The following GART variants were observed in gnomAD, a reference collection of about 807,000 sequenced individuals.
GART encodes the protein phosphoribosylglycinamide formyltransferase, phosphoribosylglycinamide synthetase, phosphoribosylaminoimidazole synthetase, also known as trifunctional purine biosynthetic protein adenosine-3.
GART carries 43 observed loss-of-function variants against 107.2 expected under a neutral mutation model. The observed-to-expected ratio is 0.40, with a 90% CI of 0.31 to 0.52. The LOEUF is 0.52. Among genes scored for constraint, GART ranks in the 20% least tolerant of loss-of-function variants. The probability of loss-of-function intolerance (pLI) is 0.52; values close to 1 mark genes in which losing one functional copy is unlikely to be tolerated. For synonymous variants in GART, 434 were observed against 427.0 expected, an observed-to-expected ratio of 1.02 and a Z score of -0.20; for missense variants, 1,107 against 1,206.5, an observed-to-expected ratio of 0.92 and a Z score of 1.22.
chr21:33,510,626 G>A (rs1051371607), intron 17 of GART, among the ~76,000 whole-genome samples: 4 of 152,116 alleles, frequency 2.6e-5, no homozygotes, highest in Non-Finnish European at 5.9e-5. Context: ...CACCACGCCC[G>A]GCTGGGTCTC....
chr21:33,506,036 TAAC>T lies in GART; in HGVS notation c.2518_2520del (p.Val840del). On this transcript the variant is annotated inframe_deletion, in exon 19 of 22. Coordinates refer to ENST00000381815, the MANE Select transcript of GART (RefSeq NM_000819.5). ...CCAGCTACTGCGGCTTTGTTGGAGA[TAAC>T]AATATCAATTTGTGCAGAGCTATTT... 6.2e-7 allele frequency: 1 copy of T among 1,614,186 alleles called. No homozygotes were observed. The highest frequency in any genetic ancestry group is 8.5e-7 in the Non-Finnish European group (1 of 1,180,024).
chr21:33,520,826 C>A, intron 13 of GART, 80 bp downstream of exon 13: 1 of 1,099,250 alleles, frequency 9.1e-7, no homozygotes, highest in Non-Finnish European at 1.3e-6. Flanking sequence ...TCATATATGT[C>A]AAGAGAAGAA....
At chr21:33,511,117 AC>A in intron 17 of GART, 134 bp downstream of exon 17, 2 of 846,712 alleles carry the variant, frequency 2.4e-6, no homozygotes, top group Non-Finnish European at 3.9e-6. Context: ...CTGTCATGTT[AC>A]ATCTGTGTAA....
intron 16 of GART, among the ~76,000 whole-genome samples, chr21:33,513,266 G>A (rs62226459): frequency 0.022 from 3,343 of 152,078 alleles, 57 homozygotes; most frequent in Non-Finnish European, 0.033. Context: ...TGCCCAGCCT[G>A]AAGTTGATAC....
At chr21:33,527,442 CAGG>C (rs2085094622) in intron 10 of GART, among the ~76,000 whole-genome samples, 1 of 151,928 alleles carries the variant, frequency 6.6e-6, no homozygotes, top group Non-Finnish European at 1.5e-5. Context: ...CGCTTGAACC[CAGG>C]AGGAGGTTAC....
In GART at chr21:33,529,313, T is replaced by C. The variant is rs7275193; in HGVS notation, c.724-376A>G. 3.6e-3 allele frequency among the ~76,000 whole-genome samples: 548 copies of C among 152,346 alleles called. 3 individuals carry two copies. Among genetic ancestry groups the C allele is most frequent in the African/African-American group, 0.013 (520 of 41,586 alleles). On this transcript the variant is annotated intron_variant, in intron 7 of 21. Coordinates refer to ENST00000381815, the MANE Select transcript of GART (RefSeq NM_000819.5). Reference sequence around the variant, plus strand: ...GGTTTATGAATTTAATTGTAAAAATTAGACCCAGATATAGTTCTTAGAATA... The same window carrying C: ...GGTTTATGAATTTAATTGTAAAAATCAGACCCAGATATAGTTCTTAGAATA...
chr21:33,516,857 C>A, intron 16 of GART, 132 bp downstream of exon 16: 1 of 742,632 alleles, frequency 1.3e-6, no homozygotes, highest in East Asian at 2.7e-5. Context: ...GAGTTTTTCC[C>A]TCCCAAAACC....
At position 33,528,477 on chromosome 21, in the gene GART, C is replaced by G. The variant is rs774750287; in HGVS notation, c.897+42G>C. On this transcript the variant is annotated intron_variant, in intron 9 of 21. Coordinates refer to ENST00000381815, the MANE Select transcript of GART (RefSeq NM_000819.5). ...CTGATAAATTCCAAGATTAAAATACCACATATCTTCTACCAAGTAATACTT... is the reference window on the plus strand; with the variant it reads ...CTGATAAATTCCAAGATTAAAATACGACATATCTTCTACCAAGTAATACTT... The G allele has an allele frequency of 6.5e-6, 10 of 1,549,748 alleles. No homozygotes were observed. The Admixed American group carries it at 1.1e-4, about 17-fold the overall frequency.
Position 33,517,399 on chromosome 21 carries a change from A to C in GART, c.1912T>G (p.Tyr638Asp), listed in dbSNP as rs777620272. Residue 638 changes from tyrosine to aspartate, a missense_variant, in exon 15 of 22, where the codon TAC (tyrosine) becomes GAC (aspartate). Transcript: ENST00000381815. ...RKIVAKSSLQ[Y>D]SSPAPDGCGD... ...CAACCATCAGGTGCTGGAGAGGAGT[A>C]CTGGAGGGAAGATTTTGCCACGATT... 4 of 1,614,164 alleles carry C rather than the reference A, an allele frequency of 2.5e-6. No homozygotes were observed. The highest frequency in any genetic ancestry group is 3.4e-6 in the Non-Finnish European group (4 of 1,180,032).
In GART at chr21:33,535,203, A is replaced by C. The variant is rs747566638; in HGVS notation, c.241+22T>G. The C allele has an allele frequency of 4.1e-6, 6 of 1,476,624 alleles. No homozygotes were observed. In the East Asian group the frequency reaches 1.2e-4, roughly 29 times the overall value. 91.5% of individuals were successfully genotyped at this position (1,476,624 alleles called of 1,614,324 possible). A position where few individuals can be genotyped will look rare whatever the true frequency, so the allele number is the denominator to read the frequency against. Reference sequence around the variant, plus strand: ...CTGTTTGCACTGAATATACTGTAACAATAAACAGAAACAAACTTTACCAGC... The same window carrying C: ...CTGTTTGCACTGAATATACTGTAACCATAAACAGAAACAAACTTTACCAGC... On this transcript the variant is annotated intron_variant, in intron 3 of 21. Transcript: ENST00000381815.
chr21:33,518,283 TC>T (rs201122478), intron 14 of GART, among the ~76,000 whole-genome samples: 3,324 of 152,198 alleles, frequency 0.022, 123 homozygotes, highest in African/African-American at 0.076. Context: ...TTCGAGACTA[TC>T]CCGGCCAACA....
chr21:33,525,794 A>C (rs1054977560), intron 10 of GART, among the ~76,000 whole-genome samples: 9 of 152,030 alleles, frequency 5.9e-5, no homozygotes, highest in Non-Finnish European at 1.5e-5. Flanking sequence ...TATAAAAGCA[A>C]TTGTTTAATG....
rs781768283 is a variant in GART, at chr21:33,528,941, G to T, written c.724-4C>A. On this transcript the variant is annotated splice_polypyrimidine_tract_variant and splice_region_variant and intron_variant, in intron 7 of 21. Coordinates refer to ENST00000381815, the MANE Select transcript of GART (RefSeq NM_000819.5). ...TTAGTAATAGATCATTAGAAACCTGGAGAACGTGCAGAAACAGTTAAATGT... is the reference window on the plus strand; with the variant it reads ...TTAGTAATAGATCATTAGAAACCTGTAGAACGTGCAGAAACAGTTAAATGT... The T allele has an allele frequency of 1.9e-6, 3 of 1,596,016 alleles. No individual in the cohort carries two copies. The highest frequency in any genetic ancestry group is 2.6e-6 in the Non-Finnish European group (3 of 1,163,854).
In GART at chr21:33,530,889, A is replaced by G. The variant is rs751161399; in HGVS notation, c.598-5T>C. The G allele has an allele frequency of 2.6e-6, 4 of 1,516,004 alleles. No homozygotes were observed. In the East Asian group the frequency reaches 1.1e-4, roughly 40 times the overall value. The allele number at this position is 1,516,004 out of a possible 1,614,324, so 93.9% of individuals were successfully genotyped here. A position where few individuals can be genotyped will look rare whatever the true frequency, so the allele number is the denominator to read the frequency against. ...GCCATCAGTGAAACACAGACACTAT[A>G]AAGAAAACAAAATAGTCCATTTATG... On this transcript the variant is annotated splice_region_variant and splice_polypyrimidine_tract_variant and intron_variant, in intron 6 of 21. Coordinates refer to ENST00000381815, the MANE Select transcript of GART (RefSeq NM_000819.5).
chr21:33,525,869 CTT>C (rs35893472), intron 10 of GART, among the ~76,000 whole-genome samples: 13 of 134,988 alleles, frequency 9.6e-5, no homozygotes, highest in Non-Finnish European at 1.3e-4. Context: ...AGGGAACTTC[CTT>C]TTTTTTTTTT....
Position 33,539,251 on chromosome 21 carries a change from G to C in GART, c.65C>G (p.Ala22Gly). The change falls in exon 2 of 22, where the codon GCA becomes GGA. Residue 22 changes from alanine to glycine, a missense_variant. Physicochemically the swap from Ala to Gly is moderately conservative, Grantham distance 60. Transcript: ENST00000381815. ...CACTTGTTTGACATGATGAGACTGT[G>C]CAAGTTTCCAGGCCAGCGTATGTTC... is the stretch of plus-strand genomic sequence containing the variant. The part of the protein sequence containing the change: ...GREHTLAWKL[A>G]QSHHVKQVLV... 6.2e-7 allele frequency: 1 copy of C among 1,614,162 alleles called. No homozygotes were observed.
chr21:33,506,520 C>A (rs1259746392), intron 18 of GART, among the ~76,000 whole-genome samples: 6 of 152,144 alleles, frequency 3.9e-5, no homozygotes, highest in African/African-American at 1.4e-4. Context: ...TTGGAAAAGA[C>A]TGGTGATATG....
intron 7 of GART, 100 bp from the exon 8 acceptor site, chr21:33,529,037 T>A: frequency 1.4e-6 from 1 of 699,452 alleles, no homozygotes; most frequent in Non-Finnish European, 2.4e-6. Context: ...ATAACTCATT[T>A]TTTTACTACC....
In GART at chr21:33,504,225, A is replaced by C. The variant is rs1408963955; in HGVS notation, c.2932T>G (p.Leu978Val). The change falls in exon 22 of 22, where the codon TTA becomes GTA. Residue 978 changes from leucine (L) to valine (V), a missense_variant. Leu to Val is a conservative substitution (Grantham distance 32). Transcript: ENST00000381815. ...GCAGGAAATATTTTATGTTCTGCTA[A>C]TTTTACTCTTTCAGAAAGAGTTGCG... Reference protein sequence around the residue: ...TVATLSERVKLAEHKIFPAAL... With the variant: ...TVATLSERVKVAEHKIFPAAL... The C allele has an allele frequency of 6.2e-7, 1 of 1,614,198 alleles. No homozygotes were observed. The highest frequency in any genetic ancestry group is 2.2e-5 in the East Asian group (1 of 44,890).
Sources: allele counts gnomAD v4.1 joint callset (sites outside exome capture counted in the v4.1 genomes callset), GRCh38; gene constraint gnomAD v4.1.1; transcripts MANE v1.5; gene names NCBI Gene and HGNC (gene_info 2026-07-23, HGNC 2026-07-21).